The following TENM2 variants were observed in gnomAD, a reference collection of about 807,000 sequenced individuals.
The protein encoded by TENM2 is teneurin transmembrane protein 2.
In TENM2, 52 loss-of-function variants were observed where a neutral mutation model predicts 245.2. The ratio of observed to expected loss-of-function variants is 0.21; its 90% CI spans 0.17 to 0.27. The LOEUF is 0.27. Ranked by LOEUF, TENM2 falls within the 10% of genes least tolerant of loss-of-function variation. The pLI, the probability that TENM2 is intolerant of heterozygous loss-of-function variation, is 1.00. For missense variants in TENM2, 3,046 were observed against 3,666.8 expected (o/e 0.83, Z 4.37); for synonymous variants, 1,363 against 1,438.9 (o/e 0.95, Z 1.19).
intron 2 of TENM2, among the ~76,000 whole-genome samples, chr5:167,702,691 T>A (rs1025093740): frequency 6.6e-6 from 1 of 151,880 alleles, no homozygotes; most frequent in African/African-American, 2.4e-5. Flanking sequence ...GCAGCCTCCC[T>A]CTGTTACAAG....
intron 2 of TENM2, among the ~76,000 whole-genome samples, chr5:167,592,061 G>A (rs763249646): frequency 1.3e-5 from 2 of 152,160 alleles, no homozygotes; most frequent in Non-Finnish European, 2.9e-5. Context: ...TACAGAATGA[G>A]GACAAGCGTT....
intron 12 of TENM2, among the ~76,000 whole-genome samples, chr5:168,148,716 T>C (rs1756337363): frequency 6.6e-6 from 1 of 152,122 alleles, no homozygotes; most frequent in East Asian, 1.9e-4. Context: ...TTTTATTGCT[T>C]CTGTACAAGG....
At chr5:167,067,403 C>T in the TENM2 span, among the ~76,000 whole-genome samples, 1 of 152,088 alleles carries the variant, frequency 6.6e-6, no homozygotes, top group African/African-American at 2.4e-5. Context: ...CTTGGTGCAT[C>T]TTTAAGATAG....
At chr5:168,125,304 A>G (rs541925714) in intron 11 of TENM2, among the ~76,000 whole-genome samples, 8 of 152,192 alleles carry the variant, frequency 5.3e-5, no homozygotes, top group Non-Finnish European at 1.2e-4. Context: ...TTCCATTTGC[A>G]TTATAGGTTT....
chr5:167,883,626 TACC>T (rs1774054757), intron 3 of TENM2, among the ~76,000 whole-genome samples: 1 of 152,224 alleles, frequency 6.6e-6, no homozygotes, highest in Admixed American at 6.5e-5. Flanking sequence ...GTGTACATTC[TACC>T]TCTCCATTTC....
At chr5:168,072,264 T>C (rs1482746266) in intron 7 of TENM2, among the ~76,000 whole-genome samples, 1 of 152,152 alleles carries the variant, frequency 6.6e-6, no homozygotes, top group Non-Finnish European at 1.5e-5. Flanking sequence ...GGTGCAGCCT[T>C]TGTGCACCTT....
chr5:167,452,196 T>A (rs1582086464), intron 2 of TENM2, among the ~76,000 whole-genome samples: 1 of 152,172 alleles, frequency 6.6e-6, no homozygotes, highest in African/African-American at 2.4e-5. Flanking sequence ...CTGAGTGGGG[T>A]GACGGACAAC....
intron 2 of TENM2, among the ~76,000 whole-genome samples, chr5:167,608,634 T>C (rs1432796459): frequency 5.3e-5 from 8 of 152,208 alleles, no homozygotes; most frequent in Admixed American, 5.2e-4. Flanking sequence ...CCAAGCACAT[T>C]TGTCACAGGG....
the TENM2 span, among the ~76,000 whole-genome samples, chr5:167,257,659 C>T: frequency 6.6e-6 from 1 of 151,538 alleles, no homozygotes; most frequent in Non-Finnish European, 1.5e-5. Flanking sequence ...AAGAAAACCC[C>T]CAAAAGCTTT....
chr5:167,584,186 G>A (rs1401847276), intron 2 of TENM2, among the ~76,000 whole-genome samples: 3 of 152,222 alleles, frequency 2.0e-5, no homozygotes, highest in Admixed American at 6.5e-5. Context: ...AGCAGTGAAA[G>A]AATGAAGCAA....
intron 2 of TENM2, among the ~76,000 whole-genome samples, chr5:167,812,774 T>C (rs1433564526): frequency 1.3e-5 from 2 of 152,176 alleles, no homozygotes; most frequent in African/African-American, 4.8e-5. Context: ...ATGCCTATCT[T>C]TGATGGCCAG....
At chr5:167,539,820 A>G (rs1397666380) in intron 2 of TENM2, among the ~76,000 whole-genome samples, 1 of 152,208 alleles carries the variant, frequency 6.6e-6, no homozygotes, top group Non-Finnish European at 1.5e-5. Context: ...TCTTATTAAT[A>G]TTTATGAAAT....
chr5:168,263,075 G>T, downstream of TENM2: 1 of 407,490 alleles, frequency 2.5e-6, no homozygotes, highest in Non-Finnish European at 4.4e-6. Flanking sequence ...AATGTTCCAA[G>T]TTCCCCTAAA....
At chr5:168,196,610 C>T (rs1323078504) in intron 15 of TENM2, among the ~76,000 whole-genome samples, 1 of 152,118 alleles carries the variant, frequency 6.6e-6, no homozygotes, top group Non-Finnish European at 1.5e-5. Context: ...TACAGGCACC[C>T]GCCACCACGC....
chr5:168,015,684 G>C (rs1785592978), intron 5 of TENM2, among the ~76,000 whole-genome samples: 2 of 152,144 alleles, frequency 1.3e-5, no homozygotes, highest in African/African-American at 4.8e-5. Flanking sequence ...TTTCTGTGGT[G>C]GGTGTTTCCC....
intron 2 of TENM2, among the ~76,000 whole-genome samples, chr5:167,792,578 C>T (rs116085013): frequency 0.013 from 1,948 of 152,058 alleles, 41 homozygotes; most frequent in African/African-American, 0.044. Context: ...AATAGCTCCT[C>T]GGGAGCCACA....
chr5:167,104,557 G>A, the TENM2 span, among the ~76,000 whole-genome samples: 1 of 152,210 alleles, frequency 6.6e-6, no homozygotes, highest in Non-Finnish European at 1.5e-5. Context: ...ACCTTGTAAA[G>A]GGTAATTGCA....
chr5:167,872,766 T>G lies in TENM2; in HGVS notation c.503-3220T>G, dbSNP rs1340937170. On this transcript the variant is annotated intron_variant, in intron 2 of 28. Coordinates refer to ENST00000518659, the Ensembl canonical transcript of TENM2. ...ACTGTAGTAACCCCAATGCTTTCAT[T>G]GTGTTATGACTGCTCTTCTATTGTC... Among the ~76,000 whole-genome samples the G allele has an allele frequency of 2.0e-5, 3 of 152,220 alleles. No individual in the cohort carries two copies. The East Asian group carries it at 5.8e-4, about 29-fold the overall frequency.
At chr5:167,036,302 A>G in the TENM2 span, among the ~76,000 whole-genome samples, 2 of 152,236 alleles carry the variant, frequency 1.3e-5, no homozygotes, top group Non-Finnish European at 2.9e-5. Flanking sequence ...GCTGGATCAC[A>G]TAAATAAATT....
Sources: gnomAD v4.1 joint callset for allele counts (sites outside exome capture counted in the v4.1 genomes callset) on GRCh38, gnomAD v4.1.1 for gene constraint, MANE v1.5 for transcripts, NCBI Gene and HGNC (gene_info 2026-07-23, HGNC 2026-07-21) for gene names.